Variants in MAP2 observed in about 807,000 individuals in gnomAD.
The protein encoded by MAP2 is microtubule-associated protein 2.
MAP2 carries 14 observed loss-of-function variants against 137.6 expected under a neutral mutation model. That is an observed-to-expected ratio of 0.10 (90% confidence interval 0.07 to 0.16). The LOEUF (loss-of-function observed/expected upper bound fraction) is 0.16, where lower values mean the gene tolerates loss of function less well. MAP2 is among the 10% of genes least tolerant of loss of function. MAP2 has a pLI of 1.00. For synonymous variants in MAP2, 786 were observed against 782.3 expected (o/e 1.00, Z -0.08); for missense variants, 2,088 against 2,191.5 (o/e 0.95, Z 0.94).
At chr2:209,472,903 A>G (rs142872898) in intron 1 of MAP2, among the ~76,000 whole-genome samples, 1,777 of 152,298 alleles carry the variant, frequency 0.012, 20 homozygotes, top group Non-Finnish European at 0.016. Context: ...AGGAAAGAAC[A>G]TAAGTGGATT....
At chr2:209,458,540 G>T (rs573118005) in intron 1 of MAP2, among the ~76,000 whole-genome samples, 2 of 152,282 alleles carry the variant, frequency 1.3e-5, no homozygotes, top group South Asian at 2.1e-4. Flanking sequence ...AAGAGGTCAG[G>T]CTGCCTATTG....
intron 1 of MAP2, among the ~76,000 whole-genome samples, chr2:209,431,261 T>C (rs978912435): frequency 3.9e-5 from 6 of 152,166 alleles, no homozygotes; most frequent in African/African-American, 1.4e-4. Context: ...TTTAATAAAA[T>C]CTTTTTATTC....
At chr2:209,497,507 C>T (rs1464658304) in intron 1 of MAP2, among the ~76,000 whole-genome samples, 1 of 152,172 alleles carries the variant, frequency 6.6e-6, no homozygotes, top group East Asian at 1.9e-4. Flanking sequence ...ATTAGGCCAT[C>T]TCTTGCATTG....
intron 14 of MAP2, among the ~76,000 whole-genome samples, chr2:209,726,906 T>C (rs1221839983): frequency 6.6e-6 from 1 of 152,242 alleles, no homozygotes; most frequent in Non-Finnish European, 1.5e-5. Flanking sequence ...GTGTTTGGCA[T>C]CTTAACATGA....
intron 13 of MAP2, among the ~76,000 whole-genome samples, chr2:209,712,405 A>G (rs941004082): frequency 3.9e-5 from 6 of 152,168 alleles, no homozygotes; most frequent in South Asian, 2.1e-4. Context: ...TTTGAAGCAA[A>G]TATGTTTTTA....
intron 10 of MAP2, 56 bp downstream of exon 10, chr2:209,697,107 A>G: frequency 4.1e-6 from 6 of 1,453,588 alleles, no homozygotes; most frequent in Non-Finnish European, 5.5e-6. Context: ...TTTTTTTTTT[A>G]AATCTCATTA....
chr2:209,501,308 C>T (rs1038407603), intron 1 of MAP2, among the ~76,000 whole-genome samples: 5 of 152,072 alleles, frequency 3.3e-5, no homozygotes, highest in African/African-American at 1.2e-4. Flanking sequence ...AATCCAATAG[C>T]TAAAAGATGT....
intron 1 of MAP2, among the ~76,000 whole-genome samples, chr2:209,504,248 T>C (rs1336573312): frequency 6.9e-6 from 1 of 145,238 alleles, no homozygotes; most frequent in African/African-American, 2.5e-5. Flanking sequence ...CAGGCTCCTG[T>C]GTCATAAAAC....
intron 11 of MAP2, chr2:209,704,470 T>G (rs2062764242): frequency 6.2e-7 from 1 of 1,607,316 alleles, no homozygotes; most frequent in South Asian, 1.1e-5. Flanking sequence ...TGTCAAAGAT[T>G]CCTGCTTTAC....
chr2:209,464,238 A>G (rs1482569608), intron 1 of MAP2, among the ~76,000 whole-genome samples: 3 of 152,142 alleles, frequency 2.0e-5, no homozygotes, highest in African/African-American at 7.2e-5. Context: ...TCCCTTGTTG[A>G]CATAGCTTCA....
chr2:209,560,774 A>G (rs2071864085), intron 2 of MAP2, among the ~76,000 whole-genome samples: 1 of 152,152 alleles, frequency 6.6e-6, no homozygotes, highest in Admixed American at 6.5e-5. Context: ...AAGCACACCT[A>G]TTTGACTATG....
intron 3 of MAP2, among the ~76,000 whole-genome samples, chr2:209,609,057 C>T (rs775186019): frequency 6.6e-6 from 1 of 151,948 alleles, no homozygotes; most frequent in Non-Finnish European, 1.5e-5. Flanking sequence ...TAATTACCAT[C>T]CCAGATTTGA....
At chr2:209,467,156 T>C (rs565231412) in intron 1 of MAP2, among the ~76,000 whole-genome samples, 3 of 152,246 alleles carry the variant, frequency 2.0e-5, no homozygotes, top group Admixed American at 6.5e-5. Flanking sequence ...ATTGTGTCAC[T>C]TCTTACCTTT....
In MAP2 at chr2:209,725,577, G is replaced by T. The variant is rs558058002; in HGVS notation, c.5074-132G>T. The T allele has an allele frequency of 5.8e-5, 28 of 479,360 alleles. No homozygotes were observed. In the Admixed American group the frequency reaches 1.0e-3, roughly 17 times the overall value. The allele number at this position is 479,360 out of a possible 1,614,324, so 29.7% of individuals were successfully genotyped here. On this transcript the variant is annotated intron_variant, in intron 13 of 15. Coordinates refer to ENST00000682079, the MANE Select transcript of MAP2 (RefSeq NM_001375505.1). ...ATTATGTCTTCCTCTGTTTGTGTGT[G>T]TACTTCAATTTGGGTTTCTAGCTAT... is the stretch of plus-strand genomic sequence containing the variant.
chr2:209,713,247 A>G (rs1476975596), intron 13 of MAP2, among the ~76,000 whole-genome samples: 1 of 152,202 alleles, frequency 6.6e-6, no homozygotes, highest in Non-Finnish European at 1.5e-5. Flanking sequence ...TAATAAAGAT[A>G]TATGCATCTT....
intron 1 of MAP2, among the ~76,000 whole-genome samples, chr2:209,490,090 C>A (rs1007369341): frequency 6.6e-6 from 1 of 152,180 alleles, no homozygotes; most frequent in African/African-American, 2.4e-5. Flanking sequence ...TCTGTAGAAA[C>A]CTTGCAAGCC....
intron 3 of MAP2, among the ~76,000 whole-genome samples, chr2:209,588,785 T>A (rs114434135): frequency 6.6e-6 from 1 of 151,804 alleles, no homozygotes; most frequent in Non-Finnish European, 1.5e-5. Context: ...TATTTCAGAG[T>A]CTTAAAAAAA....
chr2:209,583,127 A>G (rs1579109464), intron 3 of MAP2, among the ~76,000 whole-genome samples: 1 of 128,572 alleles, frequency 7.8e-6, no homozygotes, highest in African/African-American at 3.3e-5. Flanking sequence ...CTATCTATCT[A>G]TCTATCCATC....
At chr2:209,685,887 C>T (rs1256481614) in intron 7 of MAP2, among the ~76,000 whole-genome samples, 2 of 152,106 alleles carry the variant, frequency 1.3e-5, no homozygotes, top group Admixed American at 1.3e-4. Context: ...CCTTTACTCT[C>T]AGCTTGAAAT....
Sources: gnomAD v4.1 joint callset for allele counts (sites outside exome capture counted in the v4.1 genomes callset) on GRCh38, gnomAD v4.1.1 for gene constraint, MANE v1.5 for transcripts, NCBI Gene and HGNC (gene_info 2026-07-23, HGNC 2026-07-21) for gene names.